Variants in BMERB1 observed in about 807,000 individuals in gnomAD.
BMERB1 encodes bMERB domain-containing protein 1.
Under a neutral mutation model 23.6 loss-of-function variants are expected in BMERB1, and 12 were observed. The ratio of observed to expected loss-of-function variants is 0.51; its 90% confidence interval spans 0.33 to 0.82. The LOEUF is 0.82. Among genes scored for constraint, BMERB1 ranks in the 40% least tolerant of loss-of-function variants. The probability of loss-of-function intolerance (pLI) is 0.03; values close to 1 mark genes in which losing one functional copy is unlikely to be tolerated. For synonymous variants in BMERB1, 122 were observed against 96.6 expected (o/e 1.26, Z -1.54); for missense variants, 247 against 255.4 (o/e 0.97, Z 0.22).
intron 5 of BMERB1, among the ~76,000 whole-genome samples, chr16:15,586,239 G>C (rs1215492881): frequency 6.6e-6 from 1 of 152,200 alleles, no homozygotes; most frequent in African/African-American, 2.4e-5. Flanking sequence ...GATAGAGTGA[G>C]AAGGTCCAAC....
chr16:15,537,583 T>C lies in BMERB1; in HGVS notation c.230+22155T>C, dbSNP rs190889567. 1.3e-4 allele frequency among the ~76,000 whole-genome samples: 19 copies of C among 151,606 alleles called. No homozygotes were observed. In the East Asian group the frequency reaches 3.7e-3, roughly 30 times the overall value. On this transcript the variant is annotated intron_variant, in intron 2 of 5. Coordinates refer to ENST00000300006, the MANE Select transcript of BMERB1 (RefSeq NM_033201.3). ...TGGCCAGGCTGGTCTCGAACTCCTGTCCTCAAATGATCCACCCACCTCGGC... is the reference window on the plus strand; with the variant it reads ...TGGCCAGGCTGGTCTCGAACTCCTGCCCTCAAATGATCCACCCACCTCGGC...
intron 3 of BMERB1, among the ~76,000 whole-genome samples, chr16:15,573,957 G>A (rs1472651524): frequency 7.2e-6 from 1 of 138,846 alleles, no homozygotes; most frequent in Non-Finnish European, 1.5e-5. Context: ...CAGATCTCAT[G>A]GAACTCACTC....
chr16:15,516,306 G>C (rs955552698), intron 2 of BMERB1, among the ~76,000 whole-genome samples: 5 of 152,082 alleles, frequency 3.3e-5, no homozygotes, highest in African/African-American at 1.2e-4. Context: ...CTTTGTCCCA[G>C]CTACTCAGGA....
chr16:15,451,893 T>G (rs1359669670), intron 1 of BMERB1, among the ~76,000 whole-genome samples: 1 of 151,928 alleles, frequency 6.6e-6, no homozygotes, highest in Non-Finnish European at 1.5e-5. Flanking sequence ...TATTTCTTAC[T>G]GTGATCCACA....
chr16:15,568,108 G>T (rs769759433), intron 3 of BMERB1, 52 bp downstream of exon 3: 19 of 1,533,778 alleles, frequency 1.2e-5, no homozygotes, highest in Non-Finnish European at 1.7e-5. Flanking sequence ...GGGGCCCCCA[G>T]CCTGGCCCAT....
intron 1 of BMERB1, among the ~76,000 whole-genome samples, chr16:15,439,340 A>ACG (rs1176735591): frequency 7.8e-5 from 8 of 101,932 alleles, no homozygotes; most frequent in Admixed American, 1.2e-4. Flanking sequence ...CGCACTTCGG[A>ACG]CTCTTGGAAG....
chr16:15,512,397 G>A (rs1598483649), intron 1 of BMERB1, among the ~76,000 whole-genome samples: 2 of 152,306 alleles, frequency 1.3e-5, no homozygotes, highest in Middle Eastern at 3.4e-3. Flanking sequence ...CTGTGCACGT[G>A]TGCAAGGGCC....
At chr16:15,535,169 G>A (rs963921822) in intron 2 of BMERB1, among the ~76,000 whole-genome samples, 6 of 152,100 alleles carry the variant, frequency 3.9e-5, no homozygotes, top group Non-Finnish European at 1.5e-5. Flanking sequence ...GGGCAACATA[G>A]CAAGACCCCA....
Position 15,586,841 on chromosome 16 carries a change from G to A in BMERB1, c.*12G>A, listed in dbSNP as rs1486509597. On this transcript the variant is annotated 3_prime_UTR_variant, in exon 6 of 6. Coordinates refer to ENST00000300006, the MANE Select transcript of BMERB1 (RefSeq NM_033201.3). The stretch of plus-strand genomic sequence containing the variant: ...GCAACATCATGTAGCCCCCACGTGG[G>A]GTGCCCTGGGCCATGGGGACCCCCC... 6.4e-7 allele frequency: 1 copy of A among 1,570,542 alleles called. No individual in the cohort carries two copies. Among genetic ancestry groups the A allele is most frequent in the South Asian group, 1.2e-5 (1 of 86,124 alleles).
intron 1 of BMERB1, among the ~76,000 whole-genome samples, chr16:15,472,920 T>C (rs1284182585): frequency 2.7e-5 from 4 of 149,890 alleles, no homozygotes; most frequent in South Asian, 4.2e-4. Context: ...TGCAGTGGCA[T>C]GATGACTTGG....
At chr16:15,454,599 C>A (rs1013047267) in intron 1 of BMERB1, among the ~76,000 whole-genome samples, 3 of 152,116 alleles carry the variant, frequency 2.0e-5, no homozygotes, top group African/African-American at 7.2e-5. Flanking sequence ...TCGAGACCAG[C>A]CTGGCCAACA....
At chr16:15,535,494 A>C (rs1305912685) in intron 2 of BMERB1, among the ~76,000 whole-genome samples, 2 of 152,016 alleles carry the variant, frequency 1.3e-5, no homozygotes, top group Non-Finnish European at 1.5e-5. Flanking sequence ...AAAAATACAA[A>C]AAAAAATTAG....
At chr16:15,576,886 G>A (rs1382731617) in intron 3 of BMERB1, among the ~76,000 whole-genome samples, 6 of 152,094 alleles carry the variant, frequency 3.9e-5, no homozygotes, top group Admixed American at 3.9e-4. Context: ...AAGAGAAAAG[G>A]GAACAGCTCT....
chr16:15,443,959 C>T (rs964913942), intron 1 of BMERB1, among the ~76,000 whole-genome samples: 3 of 151,522 alleles, frequency 2.0e-5, no homozygotes, highest in Admixed American at 1.3e-4. Flanking sequence ...TTGGCTGTGA[C>T]TGGGGAGCTG....
At chr16:15,483,458 C>T (rs1402490969) in intron 1 of BMERB1, among the ~76,000 whole-genome samples, 2 of 152,174 alleles carry the variant, frequency 1.3e-5, no homozygotes, top group African/African-American at 4.8e-5. Context: ...CAGCTCACTG[C>T]AACCTCTGCC....
intron 1 of BMERB1, among the ~76,000 whole-genome samples, chr16:15,500,280 G>A (rs1178838199): frequency 6.6e-6 from 1 of 152,088 alleles, no homozygotes; most frequent in African/African-American, 2.4e-5. Flanking sequence ...CGACCTGTGG[G>A]GCCTGCACCG....
chr16:15,569,587 GAC>G (rs1174260849), intron 3 of BMERB1, among the ~76,000 whole-genome samples: 3 of 152,114 alleles, frequency 2.0e-5, no homozygotes, highest in Non-Finnish European at 4.4e-5. Flanking sequence ...TTTGGGCGGG[GAC>G]ACACATCCAA....
At chr16:15,485,842 G>A (rs1031491936) in intron 1 of BMERB1, among the ~76,000 whole-genome samples, 2 of 152,072 alleles carry the variant, frequency 1.3e-5, no homozygotes, top group Non-Finnish European at 2.9e-5. Flanking sequence ...CTCCAAACTA[G>A]TCATTCTTGG....
chr16:15,569,807 T>C (rs532680198), intron 3 of BMERB1, among the ~76,000 whole-genome samples: 32 of 152,314 alleles, frequency 2.1e-4, no homozygotes, highest in Middle Eastern at 3.4e-3. Flanking sequence ...TTGGGGAAGT[T>C]GCAAATCTTG....
Sources: gnomAD v4.1 joint callset for allele counts (sites outside exome capture counted in the v4.1 genomes callset) on GRCh38, gnomAD v4.1.1 for gene constraint, MANE v1.5 for transcripts, NCBI Gene and HGNC (gene_info 2026-07-23, HGNC 2026-07-21) for gene names.